The following EPHA10 variants were observed in gnomAD, a reference collection of about 807,000 sequenced individuals.
EPHA10 encodes the protein ephrin type-A receptor 10.
Under a neutral mutation model 109.7 loss-of-function variants are expected in EPHA10, and 120 were observed. That is an observed-to-expected ratio of 1.09 (90% CI 0.94 to 1.27). The LOEUF (loss-of-function observed/expected upper bound fraction) is 1.27. Ranked by LOEUF, EPHA10 falls within the 50% of genes most tolerant of loss-of-function variation. EPHA10 has a pLI of 0.00. For missense variants in EPHA10, 1,396 were observed against 1,411.1 expected (o/e 0.99, Z 0.17); for synonymous variants, 640 against 618.9 (o/e 1.03, Z -0.51).
chr1:37,726,423 ATGCTGAGATGTGGCTCC>A (rs1468469387), intron 8 of EPHA10, among the ~76,000 whole-genome samples: 1 of 152,208 alleles, frequency 6.6e-6, no homozygotes, highest in African/African-American at 2.4e-5. Flanking sequence ...CAGTTTCAGG[ATGCTGAGATGTGGCTCC>A]CCAGCCCGCC....
At chr1:37,755,779 AC>A (rs1646388402) in intron 3 of EPHA10, among the ~76,000 whole-genome samples, 1 of 152,166 alleles carries the variant, frequency 6.6e-6, no homozygotes, top group Non-Finnish European at 1.5e-5. Flanking sequence ...TAACTGCTAA[AC>A]ACCCACTTTA....
intron 7 of EPHA10, among the ~76,000 whole-genome samples, chr1:37,730,505 G>A (rs751781053): frequency 3.9e-5 from 6 of 152,200 alleles, no homozygotes; most frequent in Non-Finnish European, 7.3e-5. Context: ...AGGGAATTGG[G>A]CAGTGGGTGG....
chr1:37,740,446 C>T (rs1040233388), intron 5 of EPHA10, among the ~76,000 whole-genome samples: 1 of 152,238 alleles, frequency 6.6e-6, no homozygotes, highest in South Asian at 2.1e-4. Flanking sequence ...GCTGGGACTA[C>T]AGGTGCCCGC....
chr1:37,727,033 G>C (rs1480374079), intron 8 of EPHA10, 69 bp downstream of exon 8: 20 of 1,268,940 alleles, frequency 1.6e-5, no homozygotes, highest in African/African-American at 1.5e-5. Context: ...AGAGATGCCT[G>C]TGAGCACACA....
chr1:37,762,140 G>T, intron 2 of EPHA10, 57 bp from the exon 3 acceptor site: 1 of 1,496,242 alleles, frequency 6.7e-7, no homozygotes, highest in South Asian at 1.3e-5. Flanking sequence ...CCAGGAGGTG[G>T]AGCGCTAGCA....
intron 5 of EPHA10, among the ~76,000 whole-genome samples, chr1:37,741,126 G>A (rs1286978574): frequency 1.3e-5 from 2 of 152,192 alleles, no homozygotes; most frequent in African/African-American, 4.8e-5. Context: ...CTGAGCCTCA[G>A]TTTCCCCGTG....
intron 6 of EPHA10, among the ~76,000 whole-genome samples, chr1:37,733,693 C>T (rs572119862): frequency 2.0e-5 from 3 of 152,294 alleles, no homozygotes; most frequent in East Asian, 1.9e-4. Context: ...TTCCTCAGGG[C>T]TCTGTCCTGG....
intron 8 of EPHA10, among the ~76,000 whole-genome samples, chr1:37,725,468 T>G (rs1037486018): frequency 2.3e-5 from 3 of 130,532 alleles, no homozygotes; most frequent in Admixed American, 9.3e-5. Context: ...ATCATGCCAC[T>G]GCACCTCAGT....
intron 1 of EPHA10, among the ~76,000 whole-genome samples, chr1:37,763,678 GA>G (rs1646452410): frequency 1.3e-5 from 2 of 152,008 alleles, no homozygotes; most frequent in South Asian, 4.2e-4. Flanking sequence ...GAGAGAGAGA[GA>G]GAAAGTGAGT....
chr1:37,761,043 C>T (rs983934577), intron 3 of EPHA10: 44 of 668,432 alleles, frequency 6.6e-5, no homozygotes, highest in Non-Finnish European at 8.7e-5. Context: ...AAGATCAAGC[C>T]AGTGCACTCC....
intron 3 of EPHA10, chr1:37,760,183 G>T: frequency 1.4e-6 from 1 of 707,972 alleles, no homozygotes; most frequent in Non-Finnish European, 1.8e-6. Context: ...TTAAATTTTT[G>T]CATCTCTCCA....
chr1:37,735,116 G>T, intron 6 of EPHA10, 141 bp downstream of exon 6: 1 of 1,104,752 alleles, frequency 9.1e-7, no homozygotes. Context: ...GGAGACTCGA[G>T]CCTGGGGCCC....
At chr1:37,750,653 C>T (rs377170432) in intron 5 of EPHA10, among the ~76,000 whole-genome samples, 2 of 151,626 alleles carry the variant, frequency 1.3e-5, no homozygotes, top group Non-Finnish European at 2.9e-5. Context: ...AATTATCACT[C>T]GCTGCAGCCT....
intron 6 of EPHA10, 117 bp downstream of exon 6, chr1:37,735,140 G>T: frequency 7.4e-7 from 1 of 1,351,446 alleles, no homozygotes; most frequent in Non-Finnish European, 1.0e-6. Context: ...GGAGACGGGT[G>T]GTTATGTTTA....
intron 10 of EPHA10, 82 bp from the exon 11 acceptor site, chr1:37,721,927 C>T: frequency 7.4e-7 from 1 of 1,345,358 alleles, no homozygotes; most frequent in Non-Finnish European, 9.8e-7. Flanking sequence ...GAGAAAGTGA[C>T]TCTGACCAGC....
intron 1 of EPHA10, 69 bp from the exon 2 acceptor site, chr1:37,762,918 T>C: frequency 7.1e-7 from 1 of 1,413,470 alleles, no homozygotes; most frequent in Non-Finnish European, 9.6e-7. Context: ...TGGAATCCTT[T>C]GGTGAAGTCC....
Position 37,720,841 on chromosome 1 carries a change from C to T in EPHA10, c.2150G>A (p.Ser717Asn). ...GTACTCGGTGACAATCATCAAGGTG[C>T]TTCCTGTGCCCAGGGATGGGAACAC... is the stretch of plus-strand genomic sequence containing the variant. The part of the protein sequence containing the change: ...VRLEGVVTRG[S>N]TLMIVTEYMS... The change falls in exon 12 of 17, where the codon AGC (serine) becomes AAC (asparagine). Residue 717 changes from serine (S) to asparagine (N), a missense_variant. Coordinates refer to ENST00000373048, the MANE Select transcript of EPHA10 (RefSeq NM_001099439.2). 1 of 1,614,090 alleles carries T rather than the reference C, an allele frequency of 6.2e-7. No individual in the cohort carries two copies. Among genetic ancestry groups the T allele is most frequent in the Non-Finnish European group, 8.5e-7 (1 of 1,180,010 alleles).
intron 5 of EPHA10, among the ~76,000 whole-genome samples, chr1:37,747,269 G>A (rs942355494): frequency 6.6e-6 from 1 of 152,146 alleles, no homozygotes; most frequent in African/African-American, 2.4e-5. Flanking sequence ...AGACTTCAGA[G>A]GTTGGGTGGG....
At chr1:37,720,284 T>C (rs1205748994) in intron 13 of EPHA10, 67 bp downstream of exon 13, 12 of 1,509,516 alleles carry the variant, frequency 7.9e-6, no homozygotes, top group Non-Finnish European at 1.1e-5. Context: ...AGTGGGGAGT[T>C]AAGGGCTCCA....
Sources: allele counts gnomAD v4.1 joint callset (sites outside exome capture counted in the v4.1 genomes callset), GRCh38; gene constraint gnomAD v4.1.1; transcripts MANE v1.5; gene names NCBI Gene and HGNC (gene_info 2026-07-23, HGNC 2026-07-21).